FANCI: variants seen among roughly 807,000 people sequenced by gnomAD.
FANCI encodes Fanconi anemia group I protein.
In FANCI, 156 loss-of-function variants were observed where a neutral mutation model predicts 176.1. That is an observed-to-expected ratio of 0.89 (90% CI 0.78 to 1.01). The LOEUF (loss-of-function observed/expected upper bound fraction) is 1.01. FANCI is among the 50% of genes least tolerant of loss of function. The probability of loss-of-function intolerance (pLI) is 0.00; values close to 1 mark genes in which losing one functional copy is unlikely to be tolerated. For synonymous variants in FANCI, 613 were observed against 541.7 expected, an observed-to-expected ratio of 1.13 and a Z score of -1.83; for missense variants, 1,678 against 1,534.1, an observed-to-expected ratio of 1.09 and a Z score of -1.57.
intron 31 of FANCI, 128 bp downstream of exon 31, chr15:89,305,826 A>C: frequency 8.7e-7 from 1 of 1,142,986 alleles, no homozygotes; most frequent in Non-Finnish European, 1.3e-6. Context: ...ATTTTTTCCT[A>C]TGTGATGAAA....
At chr15:89,304,925 C>T (rs190099994) in intron 28 of FANCI, among the ~76,000 whole-genome samples, 190 bp from the exon 29 acceptor site, 140 of 152,188 alleles carry the variant, frequency 9.2e-4, no homozygotes, top group African/African-American at 3.2e-3. Flanking sequence ...TACAGGCATG[C>T]GCCACCATGC....
chr15:89,312,382 A>T (rs2151983523), intron 34 of FANCI, among the ~76,000 whole-genome samples: 1 of 152,382 alleles, frequency 6.6e-6, no homozygotes, highest in South Asian at 2.1e-4. Flanking sequence ...AACAGATTGT[A>T]AACCTCTCAA....
chr15:89,305,676 A>G lies in FANCI; in HGVS notation c.3327A>G (p.Gln1109=). The G allele has an allele frequency of 6.2e-7, 1 of 1,614,242 alleles. No homozygotes were observed. The highest frequency in any genetic ancestry group is 8.5e-7 in the Non-Finnish European group (1 of 1,180,040). Reference sequence around the variant, plus strand: ...GGCTAATCACCAAGCTTAAGGGACAAGTGAGCCAAGAAACCTTATCAGGTA... The same window carrying G: ...GGCTAATCACCAAGCTTAAGGGACAGGTGAGCCAAGAAACCTTATCAGGTA... ...VDWLITKLKG[Q]VSQETLSEEA... The change falls in exon 31 of 38, where the codon CAA becomes CAG. Residue 1109 remains glutamine (Q), a synonymous_variant. Coordinates refer to ENST00000310775, the MANE Select transcript of FANCI (RefSeq NM_001113378.2).
In FANCI at chr15:89,271,360, T is replaced by C. The variant is rs572265830; in HGVS notation, c.883-2017T>C. On this transcript the variant is annotated intron_variant, in intron 10 of 37. Coordinates refer to ENST00000310775, the MANE Select transcript of FANCI (RefSeq NM_001113378.2). ...ACCACTAATCTACTTTCTGTCTCTA[T>C]AGATTTACCTTTCCTAGATATTTTG... Among the ~76,000 whole-genome samples the C allele has an allele frequency of 3.9e-4, 60 of 152,346 alleles. 1 individual carries two copies. Among genetic ancestry groups the C allele is most frequent in the Middle Eastern group, 6.8e-3 (2 of 294 alleles).
intron 2 of FANCI, among the ~76,000 whole-genome samples, chr15:89,257,228 A>G (rs2052535853): frequency 6.6e-6 from 1 of 151,462 alleles, no homozygotes; most frequent in African/African-American, 2.4e-5. Context: ...CTTCATCACC[A>G]CCCCCTACTT....
At chr15:89,281,652 A>G (rs1360509415) in intron 15 of FANCI, 113 bp from the exon 16 acceptor site, 10 of 993,566 alleles carry the variant, frequency 1.0e-5, no homozygotes, top group South Asian at 6.4e-5. Flanking sequence ...TAAAACGTAT[A>G]TAAAACAGAA....
At chr15:89,251,384 G>C (rs1228972656) in intron 2 of FANCI, among the ~76,000 whole-genome samples, 1 of 152,202 alleles carries the variant, frequency 6.6e-6, no homozygotes, top group Non-Finnish European at 1.5e-5. Context: ...AACCTTTAGA[G>C]ATCAGGTAGA....
At chr15:89,286,069 C>T (rs1003330967) in intron 18 of FANCI, among the ~76,000 whole-genome samples, 2 of 152,106 alleles carry the variant, frequency 1.3e-5, no homozygotes, top group Non-Finnish European at 2.9e-5. Context: ...CTGCAGCCTC[C>T]ATCCTCCATC....
At chr15:89,283,392 T>C in intron 17 of FANCI, 142 bp downstream of exon 17, 1 of 1,227,000 alleles carries the variant, frequency 8.1e-7, no homozygotes, top group South Asian at 1.3e-5. Flanking sequence ...ATGGTGCTGA[T>C]GATGATGATG....
In FANCI at chr15:89,270,294, G is replaced by A. The variant is rs143404324; in HGVS notation, c.882+1769G>A. 2.7e-3 allele frequency among the ~76,000 whole-genome samples: 407 copies of A among 152,266 alleles called. 8 individuals carry two copies. Among genetic ancestry groups the A allele is most frequent in the East Asian group, 0.015 (75 of 5,166 alleles). ...TAGCTACCTTACTATTTGTGAGGCT[G>A]AATCATTTGCTTTTAAGAAAATGAC... On this transcript the variant is annotated intron_variant, in intron 10 of 37. Coordinates refer to ENST00000310775, the MANE Select transcript of FANCI (RefSeq NM_001113378.2).
chr15:89,258,663 A>G (rs1311800028), intron 2 of FANCI, 41 bp from the exon 3 acceptor site: 2 of 1,485,042 alleles, frequency 1.3e-6, no homozygotes, highest in Admixed American at 1.7e-5. Flanking sequence ...TTGGGGTAAA[A>G]GACTGTTGCC....
intron 1 of FANCI, among the ~76,000 whole-genome samples, chr15:89,247,267 T>C (rs2052030918): frequency 6.6e-6 from 1 of 152,168 alleles, no homozygotes; most frequent in African/African-American, 2.4e-5. Context: ...TACATGCTTA[T>C]GGTAATATAT....
rs187296609 is a variant in FANCI at position 89,294,549 on chromosome 15, C to T, written c.2457-366C>T. ...GCAGTGAGCCGAGATCATGCCATTG[C>T]ACTCCAGCCTGGGCAACAAGAACAA... On this transcript the variant is annotated intron_variant, in intron 23 of 37. Transcript: ENST00000310775. Among the ~76,000 whole-genome samples, 401 of 152,056 alleles carry T rather than the reference C, an allele frequency of 2.6e-3. 8 individuals are homozygous for T. Among genetic ancestry groups the T allele is most frequent in the East Asian group, 0.015 (76 of 5,168 alleles).
At chr15:89,286,977 C>CTTTTTTTTTTTTT (rs543431700) in intron 18 of FANCI, among the ~76,000 whole-genome samples, 873 of 85,962 alleles carry the variant, frequency 0.01, 123 homozygotes, top group African/African-American at 0.029. Flanking sequence ...TCACCTTGCA[C>CTTTTTTTTTTTTT]TTTTTTTTTT....
intron 11 of FANCI, among the ~76,000 whole-genome samples, chr15:89,273,796 A>G (rs946830324): frequency 2.0e-5 from 3 of 152,234 alleles, no homozygotes; most frequent in Non-Finnish European, 2.9e-5. Context: ...CAGTTTTACT[A>G]TGTTGTAGCT....
chr15:89,307,962 T>A, intron 34 of FANCI: 2 of 1,295,422 alleles, frequency 1.5e-6, no homozygotes. Flanking sequence ...TATTCCTGGG[T>A]GACTGAAAGT....
intron 9 of FANCI, among the ~76,000 whole-genome samples, chr15:89,265,781 C>T (rs944723526): frequency 1.3e-5 from 2 of 152,090 alleles, no homozygotes; most frequent in African/African-American, 4.8e-5. Flanking sequence ...CTCGGCCTCC[C>T]AAAGTGCTGG....
At chr15:89,259,126 G>C (rs2052615337) in intron 3 of FANCI, 2 of 298,642 alleles carry the variant, frequency 6.7e-6, no homozygotes, top group African/African-American at 4.3e-5. Context: ...GTAACCTCTG[G>C]GGTTTAATGA....
At position 89,285,060 on chromosome 15, in the gene FANCI, G is replaced by A; in HGVS notation, c.1699-36G>A. On this transcript the variant is annotated intron_variant, in intron 17 of 37. Transcript: ENST00000310775. ...TAGCTCCTTATTGGAAACAGCTTTG[G>A]TAAGATAGACGTGAATTGGCCTGTC... 5 of 1,613,434 alleles carry A rather than the reference G, an allele frequency of 3.1e-6. No homozygotes were observed. The South Asian group carries it at 3.3e-5, about 11-fold the overall frequency.
Sources: gnomAD v4.1 joint callset for allele counts (sites outside exome capture counted in the v4.1 genomes callset) on GRCh38, gnomAD v4.1.1 for gene constraint, MANE v1.5 for transcripts, NCBI Gene and HGNC (gene_info 2026-07-23, HGNC 2026-07-21) for gene names.